Variants in SMARCC1 observed in about 807,000 individuals in gnomAD.
SMARCC1 encodes the protein SWI/SNF related BAF chromatin remodeling complex subunit C1, also known as SWI/SNF complex subunit SMARCC1.
In SMARCC1, 43 loss-of-function variants were observed where a neutral mutation model predicts 147.4. That is an observed-to-expected ratio of 0.29 (90% CI 0.23 to 0.38). SMARCC1 has a LOEUF of 0.38. Ranked by LOEUF, SMARCC1 falls within the 10% of genes least tolerant of loss-of-function variation. SMARCC1 has a pLI of 1.00. For synonymous variants in SMARCC1, 495 were observed against 484.4 expected, an observed-to-expected ratio of 1.02 and a Z score of -0.29; for missense variants, 1,119 against 1,381.1, an observed-to-expected ratio of 0.81 and a Z score of 3.01.
chr3:47,763,189 T>C (rs2034794441), intron 2 of SMARCC1, among the ~76,000 whole-genome samples: 1 of 152,064 alleles, frequency 6.6e-6, no homozygotes, highest in Non-Finnish European at 1.5e-5. Context: ...TTTTTCAATC[T>C]TTTTTAGAGA....
At chr3:47,683,342 G>A (rs941906760) in intron 14 of SMARCC1, among the ~76,000 whole-genome samples, 9 of 151,796 alleles carry the variant, frequency 5.9e-5, no homozygotes, top group African/African-American at 9.7e-5. Flanking sequence ...CATCGCGCCC[G>A]GCCTATTCAG....
rs143557862 is a variant in SMARCC1, at chr3:47,664,151, C to T, written c.1900-1559G>A. Among the ~76,000 whole-genome samples the T allele has an allele frequency of 5.9e-3, 897 of 151,120 alleles. 10 individuals carry two copies. Among genetic ancestry groups the T allele is most frequent in the Middle Eastern group, 0.024 (7 of 294 alleles). On this transcript the variant is annotated intron_variant, in intron 19 of 27. Transcript: ENST00000254480. ...CATACTTCTATTTGTGCCACATCTC[C>T]CCTCCACTCCCCTGCTTAATAAACT...
chr3:47,633,741 C>CAAAAAA (rs1162764544), intron 24 of SMARCC1, among the ~76,000 whole-genome samples: 1 of 8,628 alleles, frequency 1.2e-4, no homozygotes, highest in African/African-American at 5.2e-4. Context: ...GAGACTGTCT[C>CAAAAAA]AAAAAAAAAA....
intron 1 of SMARCC1, among the ~76,000 whole-genome samples, chr3:47,775,305 C>A (rs1021552827): frequency 2.0e-5 from 3 of 150,894 alleles, no homozygotes; most frequent in Non-Finnish European, 4.4e-5. Flanking sequence ...GGACTACAGG[C>A]GCCCACCACC....
intron 12 of SMARCC1, among the ~76,000 whole-genome samples, chr3:47,689,801 A>G (rs2033768832): frequency 6.6e-6 from 1 of 152,208 alleles, no homozygotes; most frequent in Non-Finnish European, 1.5e-5. Context: ...GATGAGTAAA[A>G]AAACGGGTGA....
rs1444765734 is a variant in SMARCC1 at position 47,725,682 on chromosome 3, C to T, written c.646+3343G>A. 2.0e-5 allele frequency among the ~76,000 whole-genome samples: 3 copies of T among 149,230 alleles called. No individual in the cohort carries two copies. The East Asian group carries it at 6.4e-4, about 32-fold the overall frequency. The stretch of plus-strand genomic sequence containing the variant: ...GGCAAGGCTGGTCTCAAAATCCTGG[C>T]CTCAGGTGATCCGCCTGCCTCAGCA... On this transcript the variant is annotated intron_variant, in intron 6 of 27. Coordinates refer to ENST00000254480, the MANE Select transcript of SMARCC1 (RefSeq NM_003074.4).
At chr3:47,606,723 G>C (rs1230552911) in intron 26 of SMARCC1, among the ~76,000 whole-genome samples, 3 of 152,056 alleles carry the variant, frequency 2.0e-5, no homozygotes, top group Non-Finnish European at 4.4e-5. Flanking sequence ...TTCAGAGACA[G>C]GGTCTCACTC....
At chr3:47,708,279 T>A (rs1450075753) in intron 9 of SMARCC1, among the ~76,000 whole-genome samples, 2 of 151,590 alleles carry the variant, frequency 1.3e-5, no homozygotes, top group Admixed American at 6.6e-5. Context: ...TAGCTGGGAC[T>A]ACAGTTGCGC....
At chr3:47,714,554 T>C in intron 7 of SMARCC1, 64 bp from the exon 8 acceptor site, 1 of 817,958 alleles carries the variant, frequency 1.2e-6, no homozygotes. Context: ...GAAAGACTTT[T>C]ACAAATAATA....
intron 21 of SMARCC1, among the ~76,000 whole-genome samples, chr3:47,650,208 G>A (rs965081871): frequency 6.0e-5 from 9 of 151,242 alleles, no homozygotes; most frequent in Non-Finnish European, 8.8e-5. Flanking sequence ...CCCCAGAGGC[G>A]GAGCTTGCAG....
chr3:47,671,721 T>C (rs909692990), intron 18 of SMARCC1, among the ~76,000 whole-genome samples: 12 of 152,246 alleles, frequency 7.9e-5, no homozygotes, highest in African/African-American at 2.9e-4. Flanking sequence ...GTATAGCTGA[T>C]ACTATCATGC....
intron 11 of SMARCC1, among the ~76,000 whole-genome samples, chr3:47,694,858 C>T (rs948561880): frequency 9.2e-5 from 14 of 152,144 alleles, no homozygotes; most frequent in Admixed American, 2.6e-4. Flanking sequence ...ACATAATCAA[C>T]GGTAAATACT....
chr3:47,763,755 G>A (rs1166589902), intron 2 of SMARCC1, among the ~76,000 whole-genome samples: 1 of 151,790 alleles, frequency 6.6e-6, no homozygotes, highest in Non-Finnish European at 1.5e-5. Flanking sequence ...GGGACTCACT[G>A]TCGCCTAGGC....
chr3:47,679,651 C>G (rs561130919), intron 15 of SMARCC1, among the ~76,000 whole-genome samples: 8 of 152,198 alleles, frequency 5.3e-5, no homozygotes, highest in South Asian at 2.1e-4. Flanking sequence ...CACTTGAGGT[C>G]AGGAGTTCGA....
intron 6 of SMARCC1, among the ~76,000 whole-genome samples, chr3:47,728,368 G>GT (rs2034326323): frequency 6.6e-6 from 1 of 152,020 alleles, no homozygotes; most frequent in African/African-American, 2.4e-5. Flanking sequence ...GATTACAGGC[G>GT]TGAGACACCA....
chr3:47,735,942 A>C (rs2034437579), intron 5 of SMARCC1, 92 bp downstream of exon 5: 1 of 584,204 alleles, frequency 1.7e-6, no homozygotes, highest in South Asian at 3.5e-5. Flanking sequence ...AAAAAATCCA[A>C]AACATTACTA....
chr3:47,654,137 C>T (rs1013553325), intron 21 of SMARCC1, among the ~76,000 whole-genome samples: 1 of 152,182 alleles, frequency 6.6e-6, no homozygotes, highest in Non-Finnish European at 1.5e-5. Context: ...AAAAACACAT[C>T]CCTCATTTGG....
intron 6 of SMARCC1, among the ~76,000 whole-genome samples, chr3:47,727,127 C>T (rs1292128170): frequency 6.6e-6 from 1 of 152,016 alleles, no homozygotes; most frequent in African/African-American, 2.4e-5. Flanking sequence ...GCAGGAGAAT[C>T]GCTTGAACCC....
At chr3:47,674,297 T>G (rs917536479) in intron 18 of SMARCC1, among the ~76,000 whole-genome samples, 1 of 152,250 alleles carries the variant, frequency 6.6e-6, no homozygotes, top group Non-Finnish European at 1.5e-5. Flanking sequence ...TCCTTCATGC[T>G]GAAGACATTC....
Sources: allele counts gnomAD v4.1 joint callset (sites outside exome capture counted in the v4.1 genomes callset), GRCh38; gene constraint gnomAD v4.1.1; transcripts MANE v1.5; gene names NCBI Gene and HGNC (gene_info 2026-07-23, HGNC 2026-07-21).